The following ARHGAP12 variants were observed in gnomAD, a reference collection of about 807,000 sequenced individuals.
ARHGAP12 encodes the protein Rho GTPase activating protein 12, also known as rho GTPase-activating protein 12.
Under a neutral mutation model 108.6 loss-of-function variants are expected in ARHGAP12, and 64 were observed. The ratio of observed to expected loss-of-function variants is 0.59; its 90% CI spans 0.48 to 0.73. The LOEUF (loss-of-function observed/expected upper bound fraction) is 0.73, where lower values mean the gene tolerates loss of function less well. Among genes scored for constraint, ARHGAP12 ranks in the 30% least tolerant of loss-of-function variants. The probability of loss-of-function intolerance (pLI) is 0.00; values close to 1 mark genes in which losing one functional copy is unlikely to be tolerated. For missense variants in ARHGAP12, 940 were observed against 1,005.9 expected (o/e 0.93, Z 0.89); for synonymous variants, 312 against 337.2 (o/e 0.93, Z 0.82).
chr10:31,820,433 A>G lies in ARHGAP12; in HGVS notation c.1586T>C (p.Ile529Thr), dbSNP rs1835364544. 1 of 1,612,384 alleles carries G rather than the reference A, an allele frequency of 6.2e-7. No homozygotes were observed. Among genetic ancestry groups the G allele is most frequent in the Non-Finnish European group, 8.5e-7 (1 of 1,179,266 alleles). The change falls in exon 12 of 20, where the codon ATT (isoleucine) becomes ACT (threonine). Residue 529 changes from isoleucine to threonine, a missense_variant. Ile to Thr is a moderately conservative substitution (Grantham distance 89). Coordinates refer to ENST00000344936, the MANE Select transcript of ARHGAP12 (RefSeq NM_018287.7). ...EFTVDLKGAT[I>T]EMASKDKSSK... ...GGATTTATCCTTTGAAGCCATCTCA[A>G]TTGTTGCCCCCTTGAGGTCCACTGT...
rs74935123 is a variant in ARHGAP12 at position 31,805,693 on chromosome 10, G to C, written c.*1965C>G. The C allele has an allele frequency of 7.4e-6, 1 of 135,748 alleles. No homozygotes were observed. Among genetic ancestry groups the C allele is most frequent in the South Asian group, 2.2e-4 (1 of 4,534 alleles). 8.4% of individuals were successfully genotyped at this position (135,748 alleles called of 1,614,324 possible). On this transcript the variant is annotated 3_prime_UTR_variant, in exon 20 of 20. Coordinates refer to ENST00000344936, the MANE Select transcript of ARHGAP12 (RefSeq NM_018287.7). ...ACACACACACACACACACGTACCTT[G>C]AAACAAGAAACACAGGACAATTTTA... is the stretch of plus-strand genomic sequence containing the variant.
chr10:31,898,114 A>C (rs1838779912), intron 3 of ARHGAP12, among the ~76,000 whole-genome samples: 1 of 152,102 alleles, frequency 6.6e-6, no homozygotes, highest in Non-Finnish European at 1.5e-5. Flanking sequence ...AGAGAGCAAA[A>C]CCTTGTCTCA....
At chr10:31,845,556 G>A (rs1836426033) in intron 6 of ARHGAP12, among the ~76,000 whole-genome samples, 1 of 152,124 alleles carries the variant, frequency 6.6e-6, no homozygotes, top group South Asian at 2.1e-4. Context: ...AGGCTGAGAT[G>A]GGTGGATCAC....
chr10:31,833,580 C>T (rs1592267882), intron 9 of ARHGAP12, among the ~76,000 whole-genome samples: 1 of 152,202 alleles, frequency 6.6e-6, no homozygotes, highest in South Asian at 2.1e-4. Flanking sequence ...GACCCAAGTA[C>T]TAATGCTCTA....
intron 1 of ARHGAP12, among the ~76,000 whole-genome samples, chr10:31,924,770 T>C (rs1416568071): frequency 6.6e-6 from 1 of 152,192 alleles, no homozygotes; most frequent in East Asian, 1.9e-4. Flanking sequence ...GAGGTCTAAA[T>C]TTTAAATCTA....
At chr10:31,917,514 C>T (rs1280805467) in intron 1 of ARHGAP12, among the ~76,000 whole-genome samples, 1 of 152,240 alleles carries the variant, frequency 6.6e-6, no homozygotes, top group Non-Finnish European at 1.5e-5. Flanking sequence ...CTTCACAACA[C>T]TACTGGCTAC....
intron 5 of ARHGAP12, among the ~76,000 whole-genome samples, chr10:31,853,551 T>A (rs901061936): frequency 6.6e-6 from 1 of 152,168 alleles, no homozygotes; most frequent in Non-Finnish European, 1.5e-5. Flanking sequence ...CCCAAGCATA[T>A]CTTCTCTGAA....
chr10:31,843,701 A>G, intron 6 of ARHGAP12, 115 bp from the exon 7 acceptor site: 3 of 1,208,036 alleles, frequency 2.5e-6, no homozygotes, highest in Non-Finnish European at 3.3e-6. Context: ...AGTTCATTAT[A>G]TGACATCTCC....
chr10:31,854,050 GA>G lies in ARHGAP12; in HGVS notation c.1089+15del. The G allele has an allele frequency of 6.3e-7, 1 of 1,593,624 alleles. No individual in the cohort carries two copies. The highest frequency in any genetic ancestry group is 1.8e-5 in the Admixed American group (1 of 55,528). ...AATTCTGCCAAAAAACACTAGATGA[GA>G]AAAAAAGAATGTACCTTTTCATTAG... On this transcript the variant is annotated intron_variant, in intron 5 of 19. Coordinates refer to ENST00000344936, the MANE Select transcript of ARHGAP12 (RefSeq NM_018287.7).
chr10:31,874,688 T>C (rs1374972203), intron 3 of ARHGAP12, among the ~76,000 whole-genome samples: 1 of 151,932 alleles, frequency 6.6e-6, no homozygotes, highest in East Asian at 1.9e-4. Flanking sequence ...AAAAAATACA[T>C]TCAGTCCAGG....
intron 4 of ARHGAP12, among the ~76,000 whole-genome samples, chr10:31,854,944 C>T (rs934685555): frequency 7.0e-6 from 1 of 142,162 alleles, no homozygotes; most frequent in African/African-American, 2.6e-5. Context: ...GCTTGGGCAA[C>T]ATAGTGAGAC....
intron 7 of ARHGAP12, among the ~76,000 whole-genome samples, chr10:31,841,573 T>C (rs540890614): frequency 2.0e-5 from 3 of 152,276 alleles, no homozygotes; most frequent in South Asian, 4.1e-4. Flanking sequence ...AAATAATTGA[T>C]ATTCTACAGT....
At chr10:31,893,360 A>C (rs1564417049) in intron 3 of ARHGAP12, among the ~76,000 whole-genome samples, 1 of 152,210 alleles carries the variant, frequency 6.6e-6, no homozygotes, top group Non-Finnish European at 1.5e-5. Context: ...AAGACTAATG[A>C]AGAACAAAAG....
intron 3 of ARHGAP12, among the ~76,000 whole-genome samples, chr10:31,901,492 C>T (rs1301071373): frequency 7.7e-6 from 1 of 129,918 alleles, no homozygotes; most frequent in Non-Finnish European, 1.5e-5. Flanking sequence ...AAGATCACAT[C>T]ACTGTACTCC....
At chr10:31,879,466 GTCT>G (rs779986241) in intron 3 of ARHGAP12, among the ~76,000 whole-genome samples, 5 of 152,110 alleles carry the variant, frequency 3.3e-5, no homozygotes, top group South Asian at 2.1e-4. Flanking sequence ...AACTTGAGTG[GTCT>G]TCTTTAAAAA....
At chr10:31,889,132 G>A (rs931415836) in intron 3 of ARHGAP12, among the ~76,000 whole-genome samples, 1 of 152,166 alleles carries the variant, frequency 6.6e-6, no homozygotes, top group Non-Finnish European at 1.5e-5. Context: ...GGCTGGTCTC[G>A]AACTCCTGAC....
At chr10:31,849,287 T>C (rs1424854477) in intron 6 of ARHGAP12, among the ~76,000 whole-genome samples, 1 of 152,182 alleles carries the variant, frequency 6.6e-6, no homozygotes, top group Non-Finnish European at 1.5e-5. Flanking sequence ...TCCCTTCTCC[T>C]ACACCTAACC....
intron 3 of ARHGAP12, among the ~76,000 whole-genome samples, chr10:31,895,625 C>A (rs1309654943): frequency 6.6e-6 from 1 of 152,184 alleles, no homozygotes; most frequent in East Asian, 1.9e-4. Flanking sequence ...GAAATAGGAA[C>A]ACTTTTACAT....
rs867497779 is a variant in ARHGAP12, at chr10:31,928,730, C to T, written c.-158G>A. ...CAGGCGGCTCCCTTCTTAGTCCGCC[C>T]CGCGGCTGCGGGTCGACGACGCGAG... On this transcript the variant is annotated 5_prime_UTR_variant, in exon 1 of 20. Coordinates refer to ENST00000344936, the MANE Select transcript of ARHGAP12 (RefSeq NM_018287.7). 51 of 151,982 alleles carry T rather than the reference C, an allele frequency of 3.4e-4. No individual in the cohort carries two copies. Among genetic ancestry groups the T allele is most frequent in the African/African-American group, 1.1e-3 (46 of 41,490 alleles). The allele number at this position is 151,982 out of a possible 1,614,324, so 9.4% of individuals were successfully genotyped here. A position where few individuals can be genotyped will look rare whatever the true frequency, so the allele number is the denominator to read the frequency against.
Sources: allele counts gnomAD v4.1 joint callset (sites outside exome capture counted in the v4.1 genomes callset), GRCh38; gene constraint gnomAD v4.1.1; transcripts MANE v1.5; gene names NCBI Gene and HGNC (gene_info 2026-07-23, HGNC 2026-07-21).